The following E2F5 variants were observed in gnomAD, a reference collection of about 807,000 sequenced individuals.
E2F5 encodes transcription factor E2F5.
E2F5 carries 23 observed loss-of-function variants against 39.1 expected under a neutral mutation model. That is an observed-to-expected ratio of 0.59 (90% CI 0.42 to 0.83). The LOEUF is 0.83. Among genes scored for constraint, E2F5 ranks in the 40% least tolerant of loss-of-function variants. The pLI, the probability that E2F5 is intolerant of heterozygous loss-of-function variation, is 0.00. For missense variants in E2F5, 365 were observed against 406.7 expected (o/e 0.90, Z 0.88); for synonymous variants, 145 against 157.8 (o/e 0.92, Z 0.61).
At chr8:85,189,770 A>G (rs1486608717) in intron 1 of E2F5, among the ~76,000 whole-genome samples, 8 of 152,114 alleles carry the variant, frequency 5.3e-5, no homozygotes, top group Admixed American at 5.2e-4. Flanking sequence ...ATAAGTTTTT[A>G]TGTTTTTTTC....
intron 1 of E2F5, among the ~76,000 whole-genome samples, chr8:85,188,643 C>T (rs993644711): frequency 2.0e-5 from 3 of 152,180 alleles, no homozygotes; most frequent in African/African-American, 7.2e-5. Context: ...GGCATTGGTG[C>T]AGCCCAGAGA....
At chr8:85,195,665 A>AT (rs1022802137) in intron 1 of E2F5, among the ~76,000 whole-genome samples, 8 of 150,268 alleles carry the variant, frequency 5.3e-5, no homozygotes, top group Non-Finnish European at 8.9e-5. Context: ...AATTTTTTTA[A>AT]TTTTTTTTTG....
chr8:85,177,244 A>G lies in E2F5; in HGVS notation c.-177A>G, dbSNP rs1812101373. On this transcript the variant is annotated 5_prime_UTR_variant, in exon 1 of 8. Transcript: ENST00000416274. ...GAGGGGGCGGAGGCCCGGCGTGACA[A>G]GCGGCCCAGACTCCCGTGGGCGCCG... 1 of 404,046 alleles carries G rather than the reference A, an allele frequency of 2.5e-6. No individual in the cohort carries two copies. The highest frequency in any genetic ancestry group is 1.0e-4 in the South Asian group (1 of 9,862). The allele number at this position is 404,046 out of a possible 1,614,324, so 25.0% of individuals were successfully genotyped here.
intron 1 of E2F5, among the ~76,000 whole-genome samples, chr8:85,184,105 C>T (rs895168053): frequency 1.3e-5 from 2 of 152,110 alleles, no homozygotes; most frequent in African/African-American, 4.8e-5. Context: ...AACTGATGAA[C>T]GTCGATGCAA....
intron 1 of E2F5, among the ~76,000 whole-genome samples, chr8:85,179,464 T>C (rs1298523105): frequency 6.6e-6 from 1 of 152,166 alleles, no homozygotes; most frequent in Non-Finnish European, 1.5e-5. Context: ...TGACAATAAT[T>C]GCTTTATTCA....
At chr8:85,190,231 T>C (rs1812430835) in intron 1 of E2F5, among the ~76,000 whole-genome samples, 1 of 152,078 alleles carries the variant, frequency 6.6e-6, no homozygotes, top group Non-Finnish European at 1.5e-5. Context: ...AATGGACTTC[T>C]GCACGTGTGT....
Position 85,177,362 on chromosome 8 carries a change from C to A in E2F5, c.-59C>A, listed in dbSNP as rs1029834680. On this transcript the variant is annotated 5_prime_UTR_variant, in exon 1 of 8. Transcript: ENST00000416274. ...GCGGAGCCGACCCGGCAGGTGGCCG[C>A]GGGCGGGGCCGGCGAGCGAAAGTGC... 3 of 984,766 alleles carry A rather than the reference C, an allele frequency of 3.0e-6. No individual in the cohort carries two copies. The African/African-American group carries it at 5.3e-5, about 17-fold the overall frequency. The allele number at this position is 984,766 out of a possible 1,614,324, so 61.0% of individuals were successfully genotyped here.
chr8:85,205,198 A>C (rs1812775967), intron 3 of E2F5, among the ~76,000 whole-genome samples: 1 of 151,952 alleles, frequency 6.6e-6, no homozygotes, highest in African/African-American at 2.4e-5. Context: ...AAACAAAACA[A>C]AATTATCCAG....
At chr8:85,187,992 C>T (rs1356969058) in intron 1 of E2F5, among the ~76,000 whole-genome samples, 5 of 152,078 alleles carry the variant, frequency 3.3e-5, no homozygotes, top group South Asian at 2.1e-4. Flanking sequence ...TCTTACAATG[C>T]GGTATTTTAA....
chr8:85,203,844 ATATT>A (rs1812745703), intron 3 of E2F5, among the ~76,000 whole-genome samples: 1 of 147,994 alleles, frequency 6.8e-6, no homozygotes, highest in Non-Finnish European at 1.5e-5. Context: ...TATATAAAAT[ATATT>A]TATATATAAT....
intron 1 of E2F5, among the ~76,000 whole-genome samples, chr8:85,197,165 A>G (rs1285550740): frequency 6.6e-6 from 1 of 152,218 alleles, no homozygotes; most frequent in Non-Finnish European, 1.5e-5. Context: ...TATTGAGTGC[A>G]TATGTATTGA....
intron 4 of E2F5, 128 bp downstream of exon 4, chr8:85,206,348 C>T: frequency 3.4e-6 from 3 of 875,844 alleles, no homozygotes; most frequent in Non-Finnish European, 5.4e-6. Context: ...CTCACTCCAC[C>T]ATGCCGTGTA....
At chr8:85,202,878 T>C (rs1812723657) in intron 2 of E2F5, among the ~76,000 whole-genome samples, 1 of 152,140 alleles carries the variant, frequency 6.6e-6, no homozygotes, top group Non-Finnish European at 1.5e-5. Flanking sequence ...GTAGGGAAGA[T>C]TGAGAATTTT....
intron 3 of E2F5, 26 bp from the exon 4 acceptor site, chr8:85,206,151 T>C (rs753583341): frequency 2.5e-6 from 4 of 1,608,982 alleles, no homozygotes; most frequent in African/African-American, 1.3e-5. Flanking sequence ...GATATAAATG[T>C]CGTTCCTTAA....
chr8:85,196,636 C>A (rs561477779), intron 1 of E2F5, among the ~76,000 whole-genome samples: 3 of 152,258 alleles, frequency 2.0e-5, no homozygotes, highest in African/African-American at 7.2e-5. Flanking sequence ...AAATGTTTTA[C>A]CACAAATGTA....
At chr8:85,198,423 C>T (rs1331854482) in intron 1 of E2F5, among the ~76,000 whole-genome samples, 2 of 152,048 alleles carry the variant, frequency 1.3e-5, no homozygotes, top group African/African-American at 4.8e-5. Context: ...TGCAGCAGAA[C>T]TCTTCAAGAG....
chr8:85,206,638 G>T (rs1812808065), intron 4 of E2F5, among the ~76,000 whole-genome samples: 1 of 152,124 alleles, frequency 6.6e-6, no homozygotes, highest in Non-Finnish European at 1.5e-5. Flanking sequence ...CATAAGGAAA[G>T]AATTAGGTGA....
chr8:85,212,102 ATGAG>A, intron 6 of E2F5, 51 bp from the exon 7 acceptor site: 1 of 1,367,928 alleles, frequency 7.3e-7, no homozygotes, highest in Admixed American at 1.8e-5. Context: ...GTGTTTAAAT[ATGAG>A]TATCTTTTAC....
chr8:85,191,796 C>T (rs1812471597), intron 1 of E2F5, among the ~76,000 whole-genome samples: 1 of 152,130 alleles, frequency 6.6e-6, no homozygotes, highest in Non-Finnish European at 1.5e-5. Flanking sequence ...TCGCTGTAGG[C>T]CAGGGACTGT....
Sources: gnomAD v4.1 joint callset for allele counts (sites outside exome capture counted in the v4.1 genomes callset) on GRCh38, gnomAD v4.1.1 for gene constraint, MANE v1.5 for transcripts, NCBI Gene and HGNC (gene_info 2026-07-23, HGNC 2026-07-21) for gene names.